Variants in APOOL observed in about 807,000 individuals in gnomAD.
The protein encoded by APOOL is apolipoprotein O like.
In APOOL, 12 loss-of-function variants were observed where a neutral mutation model predicts 23.1. The observed-to-expected ratio is 0.52, with a 90% confidence interval of 0.33 to 0.84. The LOEUF (loss-of-function observed/expected upper bound fraction) is 0.84. Among genes scored for constraint, APOOL ranks in the 40% least tolerant of loss-of-function variants. The pLI, the probability that APOOL is intolerant of heterozygous loss-of-function variation, is 0.02. For missense variants in APOOL, 212 were observed against 199.6 expected (o/e 1.06, Z -0.37); for synonymous variants, 77 against 69.9 (o/e 1.10, Z -0.51).
At chrX:85,034,807 G>C (rs780012936) in intron 1 of APOOL, among the ~76,000 whole-genome samples, 1 of 111,771 alleles carries the variant, frequency 8.9e-6, no homozygotes, top group South Asian at 3.7e-4. Context: ...CTTTTTTATG[G>C]ATGCATAGTA....
intron 1 of APOOL, among the ~76,000 whole-genome samples, chrX:85,038,950 G>A (rs978265831): frequency 9.1e-6 from 1 of 110,010 alleles, no homozygotes; most frequent in African/African-American, 3.3e-5. Context: ...TACCTTTTTG[G>A]TTGGTTGGTT....
chrX:85,058,764 T>G (rs1923071462), intron 5 of APOOL, among the ~76,000 whole-genome samples: 1 of 111,793 alleles, frequency 8.9e-6, no homozygotes, highest in Non-Finnish European at 1.9e-5. Flanking sequence ...TAATAGCCGT[T>G]CTGACTGGTG....
At position 85,088,150 on chromosome X, in the gene APOOL, A is replaced by AC. The variant is rs2147672716; in HGVS notation, c.*472_*473insC. On this transcript the variant is annotated 3_prime_UTR_variant, in exon 9 of 9. Transcript: ENST00000373173. ...CATACATATTTATACATATATGTATAAATACATACATATTTATACATATAT... is the reference window on the plus strand; with the variant it reads ...CATACATATTTATACATATATGTATACAATACATACATATTTATACATATAT... 1 of 5,382 alleles carries AC rather than the reference A, an allele frequency of 1.9e-4. No individual in the cohort carries two copies. Among genetic ancestry groups the AC allele is most frequent in the Non-Finnish European group, 3.6e-4 (1 of 2,785 alleles). The allele number at this position is 5,382 out of a possible 1,213,427, so 0.4% of individuals were successfully genotyped here.
rs1251772516 is a variant in APOOL at position 85,088,039 on chromosome X, T to A, written c.*361T>A. 1.1e-5 allele frequency: 1 copy of A among 87,416 alleles called. No homozygotes were observed. Among genetic ancestry groups the A allele is most frequent in the Non-Finnish European group, 2.3e-5 (1 of 43,682 alleles). The allele number at this position is 87,416 out of a possible 1,213,427, so 7.2% of individuals were successfully genotyped here. ...AAATACATACATATTTATACATGTA[T>A]AAATACGTATTTATACATATATGTA... On this transcript the variant is annotated 3_prime_UTR_variant, in exon 9 of 9. Transcript: ENST00000373173.
In APOOL at chrX:85,078,241, T is replaced by A. The variant is rs182581116; in HGVS notation, c.718+3850T>A. 1.2e-4 allele frequency among the ~76,000 whole-genome samples: 13 copies of A among 112,406 alleles called. No individual in the cohort carries two copies. The East Asian group carries it at 3.6e-3, about 31-fold the overall frequency. The stretch of plus-strand genomic sequence containing the variant: ...GTTTTAAGTCTAACATTTAAGTCTT[T>A]AATCCATCTTGAATTAATTTTTGTA... On this transcript the variant is annotated intron_variant, in intron 8 of 8. Transcript: ENST00000373173.
Position 85,084,125 on chromosome X carries a change from G to T in APOOL, c.719-3465G>T, listed in dbSNP as rs752007287. ...AATTCTTAGTTGCTTATAAGAGCATGAGATGAAGCTTTTTTTTTTTTTTTT... is the reference window on the plus strand; with the variant it reads ...AATTCTTAGTTGCTTATAAGAGCATTAGATGAAGCTTTTTTTTTTTTTTTT... On this transcript the variant is annotated intron_variant, in intron 8 of 8. Coordinates refer to ENST00000373173, the MANE Select transcript of APOOL (RefSeq NM_198450.6). Among the ~76,000 whole-genome samples the T allele has an allele frequency of 3.8e-5, 4 of 104,824 alleles. No individual in the cohort carries two copies. In the South Asian group the frequency reaches 1.7e-3, roughly 46 times the overall value. 91.0% of individuals were successfully genotyped at this position (104,824 alleles called of 115,157 possible). A position where few individuals can be genotyped will look rare whatever the true frequency, so the allele number is the denominator to read the frequency against.
intron 6 of APOOL, among the ~76,000 whole-genome samples, chrX:85,068,265 T>A (rs1923536411): frequency 9.0e-6 from 1 of 111,210 alleles, no homozygotes; most frequent in Admixed American, 9.6e-5. Flanking sequence ...TTCTCATTTA[T>A]CTATAGGGAA....
At chrX:85,051,591 C>A in intron 3 of APOOL, 83 bp downstream of exon 3, 2 of 1,111,181 alleles carry the variant, frequency 1.8e-6, no homozygotes. Context: ...GAAAACTAAT[C>A]CAAAACTTAA....
At chrX:85,074,422 AT>A in intron 8 of APOOL, 31 bp downstream of exon 8, 1 of 1,195,871 alleles carries the variant, frequency 8.4e-7, no homozygotes, top group African/African-American at 1.7e-5. Flanking sequence ...TTTTGTTTTC[AT>A]TCTTTTCTTA....
At chrX:85,066,417 AC>A (rs1192480066) in intron 5 of APOOL, among the ~76,000 whole-genome samples, 1 of 110,905 alleles carries the variant, frequency 9.0e-6, no homozygotes, top group Non-Finnish European at 1.9e-5. Context: ...AGAGCTTCCC[AC>A]CCCCAAGTTA....
rs1041565035 is a variant in APOOL, at chrX:85,035,754, G to A, written c.16-10692G>A. On this transcript the variant is annotated intron_variant, in intron 1 of 8. Coordinates refer to ENST00000373173, the MANE Select transcript of APOOL (RefSeq NM_198450.6). ...TTGTTGAGTTTGTCAGAGATCAGATGGTTACAGTTGTGTGGCTTTATTTCT... is the reference window on the plus strand; with the variant it reads ...TTGTTGAGTTTGTCAGAGATCAGATAGTTACAGTTGTGTGGCTTTATTTCT... Among the ~76,000 whole-genome samples the A allele has an allele frequency of 8.1e-5, 9 of 111,280 alleles. 1 individual carries two copies. The highest frequency in any genetic ancestry group is 2.3e-4 in the African/African-American group (7 of 30,637).
At chrX:85,080,701 T>C (rs1307179110) in intron 8 of APOOL, among the ~76,000 whole-genome samples, 1 of 111,361 alleles carries the variant, frequency 9.0e-6, no homozygotes, top group Non-Finnish European at 1.9e-5. Context: ...TGTTAAAGTC[T>C]CCCATTATTA....
intron 1 of APOOL, among the ~76,000 whole-genome samples, chrX:85,010,256 A>G (rs1347809609): frequency 5.4e-5 from 6 of 111,942 alleles, no homozygotes; most frequent in African/African-American, 1.6e-4. Context: ...TGTTGTTTTA[A>G]TTTGTAATTC....
chrX:85,013,293 T>A (rs1921354329), intron 1 of APOOL, among the ~76,000 whole-genome samples: 1 of 112,103 alleles, frequency 8.9e-6, no homozygotes, highest in African/African-American at 3.2e-5. Flanking sequence ...TTGTTTTATT[T>A]ATCTCTTGTA....
rs748197983 is a variant in APOOL, at chrX:85,065,311, A to G, written c.395-1816A>G. 4.5e-5 allele frequency among the ~76,000 whole-genome samples: 5 copies of G among 111,675 alleles called. No homozygotes were observed. The South Asian group carries it at 1.9e-3, about 42-fold the overall frequency. On this transcript the variant is annotated intron_variant, in intron 5 of 8. Coordinates refer to ENST00000373173, the MANE Select transcript of APOOL (RefSeq NM_198450.6). The stretch of plus-strand genomic sequence containing the variant: ...TGTGTCTCTTGAATACAGCACACCA[A>G]TGGGTCTTGTCTTTTTGTCCAGCTT...
At chrX:85,025,168 C>G (rs1252386247) in intron 1 of APOOL, among the ~76,000 whole-genome samples, 1 of 110,991 alleles carries the variant, frequency 9.0e-6, no homozygotes, top group Non-Finnish European at 1.9e-5. Context: ...GAGAGAGAGA[C>G]AGAGAGTATG....
Position 85,045,266 on chromosome X carries a change from T to A in APOOL, c.16-1180T>A, listed in dbSNP as rs959790494. Among the ~76,000 whole-genome samples the A allele has an allele frequency of 1.1e-4, 12 of 111,391 alleles. 1 individual carries two copies. The highest frequency in any genetic ancestry group is 3.8e-4 in the Admixed American group (4 of 10,450). On this transcript the variant is annotated intron_variant, in intron 1 of 8. Coordinates refer to ENST00000373173, the MANE Select transcript of APOOL (RefSeq NM_198450.6). The stretch of plus-strand genomic sequence containing the variant: ...CATGGGGGAGGAGAATAAAAAAAAA[T>A]TTATCTTCTTAGTGTTGACTCTTAA...
In APOOL at chrX:85,089,173, C is replaced by G. The variant is rs992785997; in HGVS notation, c.*1495C>G. 22 of 111,313 alleles carry G rather than the reference C, an allele frequency of 2.0e-4. No individual in the cohort carries two copies. Among genetic ancestry groups the G allele is most frequent in the African/African-American group, 7.2e-4 (22 of 30,499 alleles). The allele number at this position is 111,313 out of a possible 1,213,427, so 9.2% of individuals were successfully genotyped here. On this transcript the variant is annotated 3_prime_UTR_variant, in exon 9 of 9. Transcript: ENST00000373173. ...CCAGGCTGGAGTGCAGTGGCACAAA[C>G]ACAGCTCACTGCAACCTCCACCTCC...
At chrX:85,048,148 T>A (rs1444274539) in intron 2 of APOOL, among the ~76,000 whole-genome samples, 1 of 111,549 alleles carries the variant, frequency 9.0e-6, no homozygotes, top group African/African-American at 3.2e-5. Context: ...AAGGTAATAT[T>A]CATAAATTCA....
Sources: allele counts gnomAD v4.1 joint callset (sites outside exome capture counted in the v4.1 genomes callset), GRCh38; gene constraint gnomAD v4.1.1; transcripts MANE v1.5; gene names NCBI Gene and HGNC (gene_info 2026-07-23, HGNC 2026-07-21).